The following SH3RF1 variants were observed in gnomAD, a reference collection of about 807,000 sequenced individuals.
The protein encoded by SH3RF1 is E3 ubiquitin-protein ligase SH3RF1.
Under a neutral mutation model 74.0 loss-of-function variants are expected in SH3RF1, and 32 were observed. That is an observed-to-expected ratio of 0.43 (90% CI 0.33 to 0.58). The LOEUF is 0.58. SH3RF1 is among the 20% of genes least tolerant of loss of function. SH3RF1 has a pLI of 0.05. For missense variants in SH3RF1, 954 were observed against 1,130.9 expected (o/e 0.84, Z 2.24); for synonymous variants, 396 against 439.6 (o/e 0.90, Z 1.24).
intron 5 of SH3RF1, among the ~76,000 whole-genome samples, chr4:169,133,867 C>G (rs1207462946): frequency 6.6e-6 from 1 of 152,168 alleles, no homozygotes; most frequent in East Asian, 1.9e-4. Context: ...TAGCAGGGAA[C>G]AGATTTAGCA....
At chr4:169,113,936 T>C (rs1733286794) in intron 10 of SH3RF1, among the ~76,000 whole-genome samples, 1 of 152,158 alleles carries the variant, frequency 6.6e-6, no homozygotes, top group African/African-American at 2.4e-5. Flanking sequence ...GCATTTTCTA[T>C]GTGGGCCCTC....
chr4:169,100,187 G>A (rs1732995437), intron 11 of SH3RF1, among the ~76,000 whole-genome samples: 1 of 152,036 alleles, frequency 6.6e-6, no homozygotes, highest in Non-Finnish European at 1.5e-5. Flanking sequence ...ATGAACAGGG[G>A]TTTGGGGAAG....
chr4:169,204,339 C>CTT (rs1379504814), intron 2 of SH3RF1, among the ~76,000 whole-genome samples: 1 of 152,134 alleles, frequency 6.6e-6, no homozygotes, highest in Non-Finnish European at 1.5e-5. Context: ...ATCCTATTCT[C>CTT]TGTCAAAGGT....
chr4:169,126,370 A>AT (rs1251050812), intron 6 of SH3RF1, among the ~76,000 whole-genome samples: 12 of 152,126 alleles, frequency 7.9e-5, no homozygotes, highest in Admixed American at 5.9e-4. Context: ...CTTCACCCTG[A>AT]TTTTTAGATC....
chr4:169,142,951 A>C (rs890580386), intron 4 of SH3RF1, among the ~76,000 whole-genome samples: 1 of 152,208 alleles, frequency 6.6e-6, no homozygotes, highest in Non-Finnish European at 1.5e-5. Flanking sequence ...AAGCAAGCTC[A>C]AACTTCATTT....
chr4:169,237,149 C>A (rs1352313788), intron 2 of SH3RF1, among the ~76,000 whole-genome samples: 2 of 152,208 alleles, frequency 1.3e-5, no homozygotes, highest in African/African-American at 4.8e-5. Flanking sequence ...TCCTAATAAA[C>A]CAACACCTGA....
Position 169,155,554 on chromosome 4 carries a change from G to A in SH3RF1, c.691C>T (p.Arg231Ter), listed in dbSNP as rs749437800. ...TCAGCCCAGTTTTCATCCACTCTTC[G>A]GATCACAGTCAGAACATCATCCTGA... Reference protein sequence around the residue: ...FAKDDVLTVIRRVDENWAEGM... With the variant: ...FAKDDVLTVI The change falls in exon 4 of 12, where the codon CGA becomes TGA. Residue 231 changes from arginine (R) to a stop codon, truncating the protein, a stop_gained. Coordinates refer to ENST00000284637, the MANE Select transcript of SH3RF1 (RefSeq NM_020870.4). LOFTEE classifies it high-confidence loss of function. 6.2e-7 allele frequency: 1 copy of A among 1,613,156 alleles called. No homozygotes were observed. The highest frequency in any genetic ancestry group is 8.5e-7 in the Non-Finnish European group (1 of 1,179,336).
At chr4:169,142,777 C>T (rs1428846487) in intron 4 of SH3RF1, among the ~76,000 whole-genome samples, 1 of 152,202 alleles carries the variant, frequency 6.6e-6, no homozygotes. Flanking sequence ...GAAATTCATG[C>T]CCATTTACAT....
intron 2 of SH3RF1, among the ~76,000 whole-genome samples, chr4:169,167,294 T>C (rs1411513732): frequency 6.6e-6 from 1 of 152,208 alleles, no homozygotes; most frequent in Non-Finnish European, 1.5e-5. Context: ...ATTAGAATGA[T>C]TAAAATTTAA....
At chr4:169,258,690 A>T (rs1329591032) in intron 2 of SH3RF1, among the ~76,000 whole-genome samples, 7 of 152,234 alleles carry the variant, frequency 4.6e-5, no homozygotes, top group African/African-American at 1.7e-4. Context: ...AGAGATTAGT[A>T]AACTAAATGT....
At chr4:169,245,325 T>A (rs1730977515) in intron 2 of SH3RF1, among the ~76,000 whole-genome samples, 1 of 152,174 alleles carries the variant, frequency 6.6e-6, no homozygotes, top group Admixed American at 6.5e-5. Flanking sequence ...TAAGCCTATA[T>A]CTATGGAGAA....
intron 4 of SH3RF1, among the ~76,000 whole-genome samples, chr4:169,145,774 T>C (rs1443486479): frequency 8.4e-6 from 1 of 119,340 alleles, no homozygotes; most frequent in Non-Finnish European, 1.7e-5. Context: ...TATAAAATAT[T>C]ATATATTCTA....
At chr4:169,133,366 T>C (rs1274667470) in intron 5 of SH3RF1, among the ~76,000 whole-genome samples, 1 of 151,946 alleles carries the variant, frequency 6.6e-6, no homozygotes, top group Non-Finnish European at 1.5e-5. Flanking sequence ...TCCCAGCTAC[T>C]CAGGAGGCTG....
At chr4:169,176,317 T>C (rs549233478) in intron 2 of SH3RF1, among the ~76,000 whole-genome samples, 1 of 152,302 alleles carries the variant, frequency 6.6e-6, no homozygotes, top group East Asian at 1.9e-4. Context: ...TTGGAATATC[T>C]AGCATTTTCA....
At chr4:169,161,274 C>T (rs886769432) in intron 2 of SH3RF1, among the ~76,000 whole-genome samples, 1 of 152,182 alleles carries the variant, frequency 6.6e-6, no homozygotes, top group Non-Finnish European at 1.5e-5. Context: ...CATCTAAAAA[C>T]ATTTTGATAA....
chr4:169,100,335 C>T (rs1732998633), intron 11 of SH3RF1, among the ~76,000 whole-genome samples: 1 of 152,074 alleles, frequency 6.6e-6, no homozygotes, highest in South Asian at 2.1e-4. Context: ...TTACCTTCCA[C>T]CTCGTCAAAT....
intron 2 of SH3RF1, among the ~76,000 whole-genome samples, chr4:169,159,616 A>G (rs1734119975): frequency 6.6e-6 from 1 of 152,174 alleles, no homozygotes; most frequent in Non-Finnish European, 1.5e-5. Context: ...ATTCATATAT[A>G]TAAGCCACAC....
intron 2 of SH3RF1, among the ~76,000 whole-genome samples, chr4:169,207,862 C>T (rs181793706): frequency 2.0e-5 from 3 of 152,278 alleles, no homozygotes; most frequent in African/African-American, 7.2e-5. Flanking sequence ...AAAGGGTCCT[C>T]ACAGAAGCAA....
intron 2 of SH3RF1, among the ~76,000 whole-genome samples, chr4:169,257,258 T>C (rs1458444983): frequency 1.3e-5 from 2 of 152,138 alleles, no homozygotes; most frequent in East Asian, 1.9e-4. Context: ...TCCTCTGCAT[T>C]TCCCCTGAAC....
Sources: gnomAD v4.1 joint callset for allele counts (sites outside exome capture counted in the v4.1 genomes callset) on GRCh38, gnomAD v4.1.1 for gene constraint, MANE v1.5 for transcripts, NCBI Gene and HGNC (gene_info 2026-07-23, HGNC 2026-07-21) for gene names.